The following FAT1 variants were observed in gnomAD, a reference collection of about 807,000 sequenced individuals.
FAT1 encodes the protein FAT atypical cadherin 1, also known as protocadherin Fat 1.
A neutral mutation model predicts 329.8 loss-of-function variants in FAT1; 171 were observed. That is an observed-to-expected ratio of 0.52 (90% CI 0.46 to 0.59). The LOEUF is 0.59. Ranked by LOEUF, FAT1 falls within the 20% of genes least tolerant of loss-of-function variation. The pLI is 0.00. For missense variants in FAT1, 5,672 were observed against 5,774.4 expected (o/e 0.98, Z 0.57); for synonymous variants, 2,233 against 2,228.6 (o/e 1.00, Z -0.06).
rs2126704779 is a variant in FAT1, at chr4:186,709,514, G to C, written c.314C>G (p.Thr105Arg). Residue 105 changes from threonine (T) to arginine (R), a missense_variant, in exon 2 of 27, where the codon ACA (threonine) becomes AGA (arginine). Physicochemically the swap from Thr to Arg is moderately conservative, Grantham distance 71. Transcript: ENST00000441802. ...CTTCACTTCTCTATTAAGAATAGCTGTATTTCCTCCTTTGGTCCTTATTCT... is the reference window on the plus strand; with the variant it reads ...CTTCACTTCTCTATTAAGAATAGCTCTATTTCCTCCTTTGGTCCTTATTCT... ...FLRIRTKGGN[T>R]AILNREVKDH... 6.2e-7 allele frequency: 1 copy of C among 1,613,884 alleles called. No individual in the cohort carries two copies. The highest frequency in any genetic ancestry group is 8.5e-7 in the Non-Finnish European group (1 of 1,179,858).
chr4:186,617,924 C>G lies in FAT1; in HGVS notation c.8662G>C (p.Val2888Leu), dbSNP rs2126489321. The G allele has an allele frequency of 6.2e-7, 1 of 1,614,000 alleles. No individual in the cohort carries two copies. The highest frequency in any genetic ancestry group is 8.5e-7 in the Non-Finnish European group (1 of 1,179,898). ...ATCTTTTCACCATGATCTGATGCAA[C>G]CACTTTAATCTGGTAATTGTCTCTC... is the stretch of plus-strand genomic sequence containing the variant. ...EKRDNYQIKV[V>L]ASDHGEKIQL... Residue 2888 changes from valine to leucine, a missense_variant, in exon 10 of 27, where the codon GTT becomes CTT. Coordinates refer to ENST00000441802, the MANE Select transcript of FAT1 (RefSeq NM_005245.4).
Position 186,611,559 on chromosome 4 carries a change from G to T in FAT1, c.9680C>A (p.Pro3227His), listed in dbSNP as rs776270772. The T allele has an allele frequency of 6.2e-7, 1 of 1,613,880 alleles. No homozygotes were observed. The highest frequency in any genetic ancestry group is 8.5e-7 in the Non-Finnish European group (1 of 1,179,862). The change falls in exon 14 of 27, where the codon CCC (proline) becomes CAC (histidine). Residue 3227 changes from proline to histidine, a missense_variant. This residue lies in a region of FAT1 where 1,706 missense variants were observed against 1,859.1 expected (regional missense o/e 0.92). Coordinates refer to ENST00000441802, the MANE Select transcript of FAT1 (RefSeq NM_005245.4). ...ATATTCACGGTACTCAAACACAGGG[G>T]GGTTGTCATTTATGTCAAGAACTGA... Reference protein sequence around the residue: ...IVSVLDINDNPPVFEYREYGA... With the variant: ...IVSVLDINDNHPVFEYREYGA...
At chr4:186,638,229 T>A (rs554849393) in intron 4 of FAT1, among the ~76,000 whole-genome samples, 1 of 152,240 alleles carries the variant, frequency 6.6e-6, no homozygotes, top group South Asian at 2.1e-4. Flanking sequence ...TTCCCATCCA[T>A]GTCCAAATAT....
intron 9 of FAT1, among the ~76,000 whole-genome samples, chr4:186,624,720 G>A (rs78269347): frequency 0.043 from 6,550 of 152,204 alleles, 314 homozygotes; most frequent in East Asian, 0.18. Context: ...TACTGAATTT[G>A]TAACTAGTCT....
intron 1 of FAT1, among the ~76,000 whole-genome samples, chr4:186,713,486 T>A (rs1256970476): frequency 6.6e-6 from 1 of 152,162 alleles, no homozygotes; most frequent in Non-Finnish European, 1.5e-5. Flanking sequence ...ACTGAGGTAG[T>A]ATCTGCCAGG....
chr4:186,656,029 C>T (rs1741883755), intron 3 of FAT1, among the ~76,000 whole-genome samples: 1 of 152,226 alleles, frequency 6.6e-6, no homozygotes, highest in African/African-American at 2.4e-5. Flanking sequence ...TGGCAAAGGC[C>T]GAAGGCCGTG....
chr4:186,601,268 C>T lies in FAT1; in HGVS notation c.11640+1G>A, dbSNP rs760487671. The T allele has an allele frequency of 6.4e-7, 1 of 1,573,916 alleles. No homozygotes were observed. On this transcript the variant is annotated splice_donor_variant, in intron 21 of 26. Transcript: ENST00000441802. LOFTEE classifies it high-confidence loss of function. ...AGATGCAACGCTGTGGAGAAACATACCTCCAAGATGCTATAGTCAGTTCCT... is the reference window on the plus strand; with the variant it reads ...AGATGCAACGCTGTGGAGAAACATATCTCCAAGATGCTATAGTCAGTTCCT...
intron 2 of FAT1, among the ~76,000 whole-genome samples, chr4:186,667,181 G>A (rs150353670): frequency 2.0e-5 from 3 of 152,256 alleles, no homozygotes; most frequent in East Asian, 1.9e-4. Context: ...TGATTTTTCC[G>A]TCGTGCCTTA....
Position 186,617,992 on chromosome 4 carries a change from T to G in FAT1, c.8594A>C (p.Glu2865Ala). Residue 2865 changes from glutamate (E) to alanine (A), a missense_variant, in exon 10 of 27, where the codon GAA becomes GCA. Physicochemically the swap from Glu to Ala is moderately radical, Grantham distance 107. This residue lies in a region of FAT1 where 3,966 missense variants were observed against 3,915.2 expected (regional missense o/e 1.01). Transcript: ENST00000441802. ...CTTTAAAGTTGTAATCCAGCCTGTTTCCATGTTAATGGCAAAGGATTCAAT... is the reference window on the plus strand; with the variant it reads ...CTTTAAAGTTGTAATCCAGCCTGTTGCCATGTTAATGGCAAAGGATTCAAT... ...EVIESFAINM[E>A]TGWITTLKEL... is the part of the protein sequence containing the mutation. 6.2e-7 allele frequency: 1 copy of G among 1,614,076 alleles called. No homozygotes were observed.
At chr4:186,705,235 C>T (rs1366428910) in intron 2 of FAT1, among the ~76,000 whole-genome samples, 2 of 152,022 alleles carry the variant, frequency 1.3e-5, no homozygotes, top group Non-Finnish European at 2.9e-5. Context: ...TGAGCCATCG[C>T]ACCCAGCCCA....
chr4:186,703,694 G>A (rs1434564972), intron 2 of FAT1, among the ~76,000 whole-genome samples: 2 of 152,326 alleles, frequency 1.3e-5, no homozygotes, highest in African/African-American at 2.4e-5. Context: ...GGCAAGGAGC[G>A]AAGTTCCAGC....
chr4:186,640,192 A>G (rs1227770811), intron 3 of FAT1, among the ~76,000 whole-genome samples: 2 of 152,214 alleles, frequency 1.3e-5, no homozygotes, highest in African/African-American at 4.8e-5. Context: ...CTCAAGAAAA[A>G]AAGAAGAAAG....
Position 186,610,667 on chromosome 4 carries a change from T to A in FAT1, c.9854-652A>T, listed in dbSNP as rs528199829. Among the ~76,000 whole-genome samples the A allele has an allele frequency of 1.9e-4, 13 of 69,796 alleles. 1 individual carries two copies. Among genetic ancestry groups the A allele is most frequent in the African/African-American group, 1.0e-3 (13 of 12,722 alleles). The allele number at this position is 69,796 out of a possible 152,430, so 45.8% of individuals were successfully genotyped here. On this transcript the variant is annotated intron_variant, in intron 14 of 26. Coordinates refer to ENST00000441802, the MANE Select transcript of FAT1 (RefSeq NM_005245.4). ...ATAATTTATATAAATATAAATTATA[T>A]AATTTATATAAATATAAATTATATA...
At chr4:186,706,507 A>C in intron 2 of FAT1, 56 bp downstream of exon 2, 1 of 586,704 alleles carries the variant, frequency 1.7e-6, no homozygotes. Flanking sequence ...CAGATGGTTA[A>C]AAAAAAAAAA....
In FAT1 at chr4:186,723,649, C is replaced by G. The variant is rs938231678; in HGVS notation, c.-19+15G>C. 6.6e-6 allele frequency: 1 copy of G among 152,188 alleles called. No homozygotes were observed. Among genetic ancestry groups the G allele is most frequent in the Non-Finnish European group, 1.5e-5 (1 of 68,136 alleles). 9.4% of individuals were successfully genotyped at this position (152,188 alleles called of 1,614,324 possible). A position where few individuals can be genotyped will look rare whatever the true frequency, so the allele number is the denominator to read the frequency against. The stretch of plus-strand genomic sequence containing the variant: ...TCTCGCCCCCGCCCGCCGGCCCGCG[C>G]CCCAGCGAACTAACCGCAAAGTTGG... On this transcript the variant is annotated intron_variant, in intron 1 of 26. Transcript: ENST00000441802.
At chr4:186,633,921 AAT>A in intron 6 of FAT1, 98 bp from the exon 7 acceptor site, 1 of 1,327,998 alleles carries the variant, frequency 7.5e-7, no homozygotes, top group East Asian at 2.3e-5. Context: ...AAAATCTTCT[AAT>A]ATACTAGCAA....
At position 186,609,064 on chromosome 4, in the gene FAT1, C is replaced by T. The variant is rs1035806528; in HGVS notation, c.10206+119G>A. 2.1e-5 allele frequency: 22 copies of T among 1,023,468 alleles called. No individual in the cohort carries two copies. The African/African-American group carries it at 2.2e-4, about 10-fold the overall frequency. 63.4% of individuals were successfully genotyped at this position (1,023,468 alleles called of 1,614,324 possible). ...TGCTTTTCGAGTGTTTACATGTTGC[C>T]GTCAGTTCTTGAGGCGGTCAGTCCT... On this transcript the variant is annotated intron_variant, in intron 16 of 26. Transcript: ENST00000441802.
At chr4:186,597,864 A>G (rs1738608512) in intron 23 of FAT1, 72 bp from the exon 24 acceptor site, 1 of 1,570,368 alleles carries the variant, frequency 6.4e-7, no homozygotes, top group African/African-American at 1.4e-5. Context: ...ACAGAAAGCA[A>G]AACAGAACAC....
intron 10 of FAT1, among the ~76,000 whole-genome samples, chr4:186,617,438 T>A (rs182135507): frequency 7.9e-4 from 120 of 152,318 alleles, no homozygotes; most frequent in Non-Finnish European, 8.5e-4. Flanking sequence ...ACTATAGATG[T>A]TTTTAATTAT....
Sources: allele counts gnomAD v4.1 joint callset (sites outside exome capture counted in the v4.1 genomes callset), GRCh38; gene constraint gnomAD v4.1.1; regional missense constraint gnomAD v4.1.1; transcripts MANE v1.5; gene names NCBI Gene and HGNC (gene_info 2026-07-23, HGNC 2026-07-21).